SLC9B1: variants seen among roughly 807,000 people sequenced by gnomAD.
SLC9B1 encodes the protein solute carrier family 9 member B1.
SLC9B1 carries 32 observed loss-of-function variants against 51.7 expected under a neutral mutation model. The observed-to-expected ratio is 0.62, with a 90% CI of 0.47 to 0.83. The LOEUF (loss-of-function observed/expected upper bound fraction) is 0.83, where lower values mean the gene tolerates loss of function less well. Ranked by LOEUF, SLC9B1 falls within the 40% of genes least tolerant of loss-of-function variation. The pLI, the probability that SLC9B1 is intolerant of heterozygous loss-of-function variation, is 0.00. For missense variants in SLC9B1, 406 were observed against 613.2 expected (o/e 0.66, Z 3.57); for synonymous variants, 145 against 212.7 (o/e 0.68, Z 2.77).
At chr4:102,908,803 T>A (rs1369819016) in intron 9 of SLC9B1, among the ~76,000 whole-genome samples, 3 of 152,306 alleles carry the variant, frequency 2.0e-5, no homozygotes, top group Non-Finnish European at 4.4e-5. Context: ...AAAAATTATA[T>A]GCAATATATA....
chr4:102,928,044 G>T (rs2110453975), intron 7 of SLC9B1, among the ~76,000 whole-genome samples: 1 of 151,992 alleles, frequency 6.6e-6, no homozygotes, highest in African/African-American at 2.4e-5. Flanking sequence ...CTTGGACACA[G>T]GGCTGGGAAC....
intron 8 of SLC9B1, 103 bp downstream of exon 8, chr4:102,911,328 G>A: frequency 1.3e-6 from 1 of 769,636 alleles, no homozygotes; most frequent in Non-Finnish European, 2.1e-6. Context: ...GCTAGTTTTA[G>A]AGAAATAGAA....
rs113197475 is a variant in SLC9B1 at position 102,945,366 on chromosome 4, C to A, written c.526-46G>T. ...ACTTAGATACATTTACAATGGCCAA[C>A]AAGAAAATTATTTTAACAAATGTCA... On this transcript the variant is annotated intron_variant, in intron 5 of 11. Transcript: ENST00000296422. 203 of 1,474,266 alleles carry A rather than the reference C, an allele frequency of 1.4e-4. 1 individual carries two copies. The highest frequency in any genetic ancestry group is 3.6e-4 in the Middle Eastern group (2 of 5,526). The allele number at this position is 1,474,266 out of a possible 1,614,324, so 91.3% of individuals were successfully genotyped here.
At chr4:102,909,241 T>C (rs1175361304) in intron 9 of SLC9B1, among the ~76,000 whole-genome samples, 2 of 151,034 alleles carry the variant, frequency 1.3e-5, no homozygotes, top group African/African-American at 2.4e-5. Flanking sequence ...GTTGGGAGGA[T>C]CCCTTCAGCT....
At chr4:102,986,046 C>T (rs987387178) in intron 3 of SLC9B1, among the ~76,000 whole-genome samples, 1 of 151,912 alleles carries the variant, frequency 6.6e-6, no homozygotes, top group Non-Finnish European at 1.5e-5. Flanking sequence ...TGTGTATTTC[C>T]TTTCGAATAT....
chr4:102,938,311 CAAGA>C (rs1313290259), intron 6 of SLC9B1, among the ~76,000 whole-genome samples: 1 of 152,182 alleles, frequency 6.6e-6, no homozygotes, highest in African/African-American at 2.4e-5. Flanking sequence ...TTCAATTCAA[CAAGA>C]AGACTTAACT....
At chr4:102,934,671 C>T (rs545902187) in intron 6 of SLC9B1, among the ~76,000 whole-genome samples, 2 of 148,852 alleles carry the variant, frequency 1.3e-5, no homozygotes. Context: ...AAGGTTGAGG[C>T]AGGAGAATCA....
intron 1 of SLC9B1, among the ~76,000 whole-genome samples, chr4:103,011,200 G>A (rs1364422466): frequency 2.0e-5 from 3 of 152,168 alleles, no homozygotes; most frequent in Non-Finnish European, 4.4e-5. Context: ...AGGAGAAAGG[G>A]GTAATAAGTT....
downstream of SLC9B1, chr4:102,898,271 G>T: frequency 2.1e-6 from 1 of 479,184 alleles, no homozygotes; most frequent in Admixed American, 2.3e-5. Context: ...AAAGAAACTT[G>T]CGCATCACTG....
At chr4:103,017,094 T>C (rs1741406169) in intron 1 of SLC9B1, 1 of 152,164 alleles carries the variant, frequency 6.6e-6, no homozygotes, top group Non-Finnish European at 1.5e-5. Flanking sequence ...GGCACAATCA[T>C]CCACACAAGC....
intron 1 of SLC9B1, among the ~76,000 whole-genome samples, chr4:103,012,454 C>A (rs150409964): frequency 2.6e-5 from 4 of 152,188 alleles, no homozygotes; most frequent in Admixed American, 6.5e-5. Flanking sequence ...CAGCTCTCCT[C>A]GTCTTCTGAA....
chr4:103,011,171 A>G (rs1741069078), intron 1 of SLC9B1, among the ~76,000 whole-genome samples: 1 of 152,198 alleles, frequency 6.6e-6, no homozygotes, highest in Non-Finnish European at 1.5e-5. Context: ...TTCCCTTTTC[A>G]AAAGGGAGGA....
intron 6 of SLC9B1, 135 bp from the exon 7 acceptor site, chr4:102,932,434 T>G (rs1410175361): frequency 2.6e-5 from 22 of 836,084 alleles, no homozygotes; most frequent in Non-Finnish European, 1.1e-5. Flanking sequence ...TGCAATTTAA[T>G]GGTGATAAAA....
At chr4:102,924,444 C>T (rs1056317231) in intron 7 of SLC9B1, among the ~76,000 whole-genome samples, 18 of 152,042 alleles carry the variant, frequency 1.2e-4, no homozygotes, top group African/African-American at 4.3e-4. Flanking sequence ...GACCTAAAAC[C>T]ATAAAAACCC....
chr4:102,889,004 C>CTAAT (rs748360250), intron 11 of SLC9B1: 4 of 152,170 alleles, frequency 2.6e-5, no homozygotes, highest in Non-Finnish European at 5.9e-5. Flanking sequence ...AGAAATAAAA[C>CTAAT]TAATTGTTAT....
chr4:102,915,134 A>G (rs1459717700), intron 7 of SLC9B1, among the ~76,000 whole-genome samples: 3 of 152,066 alleles, frequency 2.0e-5, no homozygotes, highest in African/African-American at 7.2e-5. Context: ...CAAGAACTGT[A>G]TAGCCAGTAA....
chr4:102,925,934 G>T (rs775720577), intron 7 of SLC9B1, among the ~76,000 whole-genome samples: 14 of 152,084 alleles, frequency 9.2e-5, no homozygotes, highest in Non-Finnish European at 1.6e-4. Flanking sequence ...ATGCAAGGCT[G>T]GTTCAACATA....
intron 10 of SLC9B1, 65 bp from the exon 11 acceptor site, chr4:102,905,715 G>C: frequency 6.7e-7 from 1 of 1,486,576 alleles, no homozygotes; most frequent in Non-Finnish European, 9.2e-7. Flanking sequence ...TCATGCCCAG[G>C]AATATGATTT....
At chr4:102,946,341 C>T (rs974199717) in intron 5 of SLC9B1, among the ~76,000 whole-genome samples, 3 of 152,070 alleles carry the variant, frequency 2.0e-5, no homozygotes, top group African/African-American at 7.2e-5. Context: ...GACGGAGTCT[C>T]GCTCTGTCCC....
Sources: allele counts gnomAD v4.1 joint callset (sites outside exome capture counted in the v4.1 genomes callset), GRCh38; gene constraint gnomAD v4.1.1; transcripts MANE v1.5; gene names NCBI Gene and HGNC (gene_info 2026-07-23, HGNC 2026-07-21).